ABLIM1: variants seen among roughly 807,000 people sequenced by gnomAD.
ABLIM1 encodes the protein actin-binding LIM protein 1.
A neutral mutation model predicts 107.0 loss-of-function variants in ABLIM1; 40 were observed. The ratio of observed to expected loss-of-function variants is 0.37; its 90% CI spans 0.29 to 0.49. The LOEUF is 0.49. Among genes scored for constraint, ABLIM1 ranks in the 20% least tolerant of loss-of-function variants. The pLI is 0.97. For missense variants in ABLIM1, 857 were observed against 1,008.5 expected (o/e 0.85, Z 2.04); for synonymous variants, 357 against 357.3 (o/e 1.00, Z 0.01).
upstream of ABLIM1, among the ~76,000 whole-genome samples, chr10:114,769,434 AG>A (rs2082987810): frequency 5.1e-5 from 2 of 38,902 alleles, no homozygotes; most frequent in Admixed American, 1.9e-4. Context: ...AAAGAAAGAA[AG>A]AAAGAAAGAA....
intron 1 of ABLIM1, among the ~76,000 whole-genome samples, chr10:114,644,614 G>C (rs2078933111): frequency 6.6e-6 from 1 of 152,034 alleles, no homozygotes; most frequent in South Asian, 2.1e-4. Context: ...TGGATGACTA[G>C]GTTGTTAGCA....
At chr10:114,755,631 T>A (rs74158050) in intron 1 of ABLIM1, among the ~76,000 whole-genome samples, 3,049 of 152,182 alleles carry the variant, frequency 0.02, 84 homozygotes, top group African/African-American at 0.068. Flanking sequence ...GTACAGAGAG[T>A]AAAACTTCAG....
At chr10:114,542,730 G>T (rs1317610666) in intron 6 of ABLIM1, among the ~76,000 whole-genome samples, 4 of 152,196 alleles carry the variant, frequency 2.6e-5, no homozygotes, top group Non-Finnish European at 5.9e-5. Context: ...ATGGCGTCAG[G>T]CCCCAATCAG....
At chr10:114,716,548 C>A (rs2081668120) in intron 1 of ABLIM1, among the ~76,000 whole-genome samples, 2 of 152,132 alleles carry the variant, frequency 1.3e-5, no homozygotes, top group African/African-American at 4.8e-5. Context: ...GAACTTACAA[C>A]GGATGTTTTC....
intron 1 of ABLIM1, among the ~76,000 whole-genome samples, chr10:114,628,557 TG>T (rs2077967631): frequency 6.6e-6 from 1 of 152,220 alleles, no homozygotes; most frequent in African/African-American, 2.4e-5. Flanking sequence ...TGAGTTTCAC[TG>T]GGTCCCGCTC....
chr10:114,692,986 C>T (rs1381276032), intron 1 of ABLIM1, among the ~76,000 whole-genome samples: 1 of 152,250 alleles, frequency 6.6e-6, no homozygotes, highest in Non-Finnish European at 1.5e-5. Context: ...TAATAACCAG[C>T]CACTGGAGTT....
At chr10:114,782,804 G>GA in the ABLIM1 span, among the ~76,000 whole-genome samples, 1 of 151,634 alleles carries the variant, frequency 6.6e-6, no homozygotes, top group Non-Finnish European at 1.5e-5. Context: ...TAAAGCTGAA[G>GA]AAAAAAAATA....
At chr10:114,763,507 C>A (rs910077045) in intron 1 of ABLIM1, among the ~76,000 whole-genome samples, 1 of 151,892 alleles carries the variant, frequency 6.6e-6, no homozygotes, top group Non-Finnish European at 1.5e-5. Context: ...CCTGCCTCAG[C>A]CCCCGAGTAG....
At position 114,737,376 on chromosome 10, in the gene ABLIM1, C is replaced by A. The variant is rs80242343; in HGVS notation, c.-213+30685G>T. Among the ~76,000 whole-genome samples, 1,336 of 152,246 alleles carry A rather than the reference C, an allele frequency of 8.8e-3. 15 individuals are homozygous for A. The highest frequency in any genetic ancestry group is 0.028 in the African/African-American group (1,170 of 41,540). On this transcript the variant is annotated intron_variant, in intron 1 of 15. Coordinates refer to the ABLIM1 transcript ENST00000651092. ...AGAACCACTTTTTCAAATCATCTGG[C>A]CTGCTGAACTCAAGGCCTTTTCCGA...
chr10:114,519,863 C>A (rs1441956405), intron 6 of ABLIM1, among the ~76,000 whole-genome samples: 3 of 152,236 alleles, frequency 2.0e-5, no homozygotes, highest in African/African-American at 7.2e-5. Flanking sequence ...TAGCTCACCA[C>A]CAACCCAGGA....
At chr10:114,678,534 A>T (rs898061767) in intron 1 of ABLIM1, among the ~76,000 whole-genome samples, 1 of 152,190 alleles carries the variant, frequency 6.6e-6, no homozygotes, top group African/African-American at 2.4e-5. Flanking sequence ...AGTTCTGTTG[A>T]AAGCAGCCAT....
intron 12 of ABLIM1, among the ~76,000 whole-genome samples, chr10:114,457,360 C>T (rs754755600): frequency 6.6e-6 from 1 of 152,070 alleles, no homozygotes; most frequent in Admixed American, 6.5e-5. Flanking sequence ...ACCTCCGCCT[C>T]CCAGGTTCAA....
intron 6 of ABLIM1, among the ~76,000 whole-genome samples, chr10:114,496,783 C>T (rs557028350): frequency 2.5e-4 from 38 of 152,298 alleles, no homozygotes; most frequent in South Asian, 6.2e-4. Flanking sequence ...TCAAGACATT[C>T]GGTGAGCCAG....
At chr10:114,605,157 C>T (rs2076321551) in intron 1 of ABLIM1, among the ~76,000 whole-genome samples, 1 of 152,184 alleles carries the variant, frequency 6.6e-6, no homozygotes, top group South Asian at 2.1e-4. Flanking sequence ...GGGCAGCATC[C>T]AAAGAGCAGA....
chr10:114,526,744 G>C, intron 6 of ABLIM1: 4 of 985,472 alleles, frequency 4.1e-6, no homozygotes, highest in South Asian at 9.4e-5. Context: ...TTCAGAACAC[G>C]GCCAAGAGGC....
chr10:114,679,513 TG>T (rs1398919482), intron 1 of ABLIM1, among the ~76,000 whole-genome samples: 1 of 151,694 alleles, frequency 6.6e-6, no homozygotes, highest in Non-Finnish European at 1.5e-5. Context: ...CGTGTGCCTG[TG>T]GTCCCAGCTA....
intron 4 of ABLIM1, among the ~76,000 whole-genome samples, chr10:114,564,293 C>T (rs975084695): frequency 1.6e-4 from 25 of 152,160 alleles, no homozygotes; most frequent in African/African-American, 5.8e-4. Context: ...GAGACAAAGT[C>T]TTGCTCTGTC....
At chr10:114,732,521 G>A (rs2082097613) in intron 1 of ABLIM1, among the ~76,000 whole-genome samples, 1 of 152,002 alleles carries the variant, frequency 6.6e-6, no homozygotes, top group Non-Finnish European at 1.5e-5. Flanking sequence ...TCTGTAGGTT[G>A]CAATTTTGCT....
intron 1 of ABLIM1, among the ~76,000 whole-genome samples, chr10:114,732,751 GA>G (rs2082102405): frequency 1.3e-5 from 2 of 152,116 alleles, no homozygotes; most frequent in African/African-American, 2.4e-5. Context: ...TAGAAAAAAG[GA>G]AAAGATTAAT....
Sources: allele counts gnomAD v4.1 joint callset (sites outside exome capture counted in the v4.1 genomes callset), GRCh38; gene constraint gnomAD v4.1.1; transcripts MANE v1.5; gene names NCBI Gene and HGNC (gene_info 2026-07-23, HGNC 2026-07-21).